Variants in SPACA6 observed in about 807,000 individuals in gnomAD.
The protein encoded by SPACA6 is sperm acrosome associated 6.
For synonymous variants in SPACA6, 6 were observed against 1.5 expected, an observed-to-expected ratio of 4.05 and a Z score of -2.21; for missense variants, 8 against 2.8, an observed-to-expected ratio of 2.88 and a Z score of -1.34.
At chr19:51,710,641 G>A (rs762376805) in intron 2 of SPACA6, among the ~76,000 whole-genome samples, 12 of 152,268 alleles carry the variant, frequency 7.9e-5, no homozygotes, top group Non-Finnish European at 1.0e-4. Context: ...TGGGAGTCCC[G>A]TCTCCATACA....
intron 2 of SPACA6, among the ~76,000 whole-genome samples, chr19:51,696,734 CTACCGTACCTGGCTGG>C (rs1465939622): frequency 6.6e-6 from 1 of 152,174 alleles, no homozygotes; most frequent in African/African-American, 2.4e-5. Context: ...CAGGCATGAA[CTACCGTACCTGGCTGG>C]GTGATAATTT....
the SPACA6 span, among the ~76,000 whole-genome samples, chr19:51,683,887 A>G: frequency 1.1e-3 from 172 of 152,342 alleles, no homozygotes; most frequent in African/African-American, 3.8e-3. Context: ...GGGCTTCAGA[A>G]TCTGTGCTCT....
intron 2 of SPACA6, among the ~76,000 whole-genome samples, chr19:51,700,391 T>C (rs1470718990): frequency 6.6e-6 from 1 of 152,218 alleles, no homozygotes; most frequent in African/African-American, 2.4e-5. Context: ...GCTACCCATC[T>C]CCAGCTAATT....
intron 2 of SPACA6, among the ~76,000 whole-genome samples, chr19:51,711,493 A>T (rs1011506642): frequency 6.6e-6 from 1 of 152,256 alleles, no homozygotes; most frequent in African/African-American, 2.4e-5. Flanking sequence ...TTCCTCAAAA[A>T]AATTAAACAT....
At chr19:51,706,981 G>C (rs1256739677), downstream of SPACA6, among the ~76,000 whole-genome samples, 2 of 151,974 alleles carry the variant, frequency 1.3e-5, no homozygotes, top group African/African-American at 4.8e-5. Context: ...TTTTTAATTT[G>C]GTTTTGCCTT....
At position 51,704,414 on chromosome 19, in the gene SPACA6, C is replaced by G. The variant is rs950026446; in HGVS notation, c.875C>G (p.Pro292Arg). The change falls in exon 8 of 9, where the codon CCC becomes CGC. Residue 292 changes from proline (P) to arginine (R), a missense_variant. By Grantham distance (103) the Pro-to-Arg change is moderately radical (BLOSUM62 -2). Coordinates refer to ENST00000637797, the MANE Select transcript of SPACA6 (RefSeq NM_001316972.2). ...CTGGCCAGGCCCGAGGCTCTGACGC[C>G]CAGCAATCTGTTCCTGCTTGCAGTC... ...ELLARPEALT[P>R]SNLFLLAVLG... 1 of 401,092 alleles carries G rather than the reference C, an allele frequency of 2.5e-6. No homozygotes were observed. The highest frequency in any genetic ancestry group is 4.4e-6 in the Non-Finnish European group (1 of 226,268). The allele number at this position is 401,092 out of a possible 1,614,324, so 24.8% of individuals were successfully genotyped here.
At chr19:51,684,692 A>G (rs951733556), upstream of SPACA6, among the ~76,000 whole-genome samples, 8 of 152,198 alleles carry the variant, frequency 5.3e-5, no homozygotes, top group Non-Finnish European at 5.9e-5. Flanking sequence ...CATTAACACT[A>G]ATGATAGCTG....
chr19:51,704,287 C>G lies in SPACA6; in HGVS notation c.748C>G (p.Arg250Gly), dbSNP rs2083495940. The G allele has an allele frequency of 2.5e-6, 1 of 400,686 alleles. No individual in the cohort carries two copies. Among genetic ancestry groups the G allele is most frequent in the Non-Finnish European group, 4.4e-6 (1 of 225,972 alleles). 24.8% of individuals were successfully genotyped at this position (400,686 alleles called of 1,614,324 possible). A position where few individuals can be genotyped will look rare whatever the true frequency, so the allele number is the denominator to read the frequency against. ...FFLNVTGPPPRAETELQASFR... is the reference protein window; with the variant it reads ...FFLNVTGPPPGAETELQASFR... ...CCCCGCAGTGACGGGCCCGCCCCCG[C>G]GGGCGGAGACAGAGTTGCAGGCCTC... Residue 250 changes from arginine (R) to glycine (G), a missense_variant, in exon 8 of 9, where the codon CGG becomes GGG. Arg to Gly is a moderately radical substitution (Grantham distance 125). Transcript: ENST00000637797.
In SPACA6 at chr19:51,693,432, A is replaced by C; in HGVS notation, c.-95A>C. Reference sequence around the variant, plus strand: ...GCATGACATTTGACCACCAACTGAAACCTGACCTCTGACCCCAGACCACTG... The same window carrying C: ...GCATGACATTTGACCACCAACTGAACCCTGACCTCTGACCCCAGACCACTG... On this transcript the variant is annotated 5_prime_UTR_variant, in exon 1 of 9. Coordinates refer to ENST00000637797, the MANE Select transcript of SPACA6 (RefSeq NM_001316972.2). 1.7e-6 allele frequency: 1 copy of C among 605,848 alleles called. No individual in the cohort carries two copies. Among genetic ancestry groups the C allele is most frequent in the Non-Finnish European group, 3.2e-6 (1 of 313,412 alleles). The allele number at this position is 605,848 out of a possible 1,614,324, so 37.5% of individuals were successfully genotyped here.
chr19:51,706,847 CAG>C (rs1308683737), downstream of SPACA6, among the ~76,000 whole-genome samples: 1 of 152,140 alleles, frequency 6.6e-6, no homozygotes, highest in East Asian at 1.9e-4. Context: ...TTGGAAGAGA[CAG>C]GGTTTCGCCA....
intron 8 of SPACA6, 83 bp downstream of exon 8, chr19:51,704,563 C>T: frequency 2.5e-6 from 1 of 400,544 alleles, no homozygotes; most frequent in Admixed American, 4.4e-5. Flanking sequence ...TCCCAGCAAC[C>T]TCCAACCCAG....
At chr19:51,682,800 G>A in the SPACA6 span, among the ~76,000 whole-genome samples, 96 of 152,290 alleles carry the variant, frequency 6.3e-4, 1 homozygote, top group African/African-American at 2.0e-3. Flanking sequence ...CCAGTACTTT[G>A]GGAGACTGAG....
chr19:51,709,548 A>AG (rs2083532198), downstream of SPACA6, among the ~76,000 whole-genome samples: 1 of 149,706 alleles, frequency 6.7e-6, no homozygotes. Flanking sequence ...AAAAAAAAAA[A>AG]AAGATGACAT....
At position 51,703,037 on chromosome 19, in the gene SPACA6, C is replaced by T. The variant is rs905477126; in HGVS notation, c.402C>T (p.Ala134=). Residue 134 remains alanine, a synonymous_variant, in exon 5 of 9, where the codon GCC becomes GCT. Coordinates refer to ENST00000637797, the MANE Select transcript of SPACA6 (RefSeq NM_001316972.2). The surrounding 1 kb of genome is among the most constrained non-coding windows in gnomAD (Gnocchi z 4.2). The part of the protein sequence containing the change: ...CIPPCGLQEF[A]RRFLCSGCYS... ...GCTCCACAGGTCTCCAGGAGTTCGC[C>T]CGGCGTTTCCTCTGCAGCGGGTGCT... The T allele has an allele frequency of 3.8e-5, 15 of 399,122 alleles. No homozygotes were observed. The highest frequency in any genetic ancestry group is 2.9e-4 in the African/African-American group (14 of 48,640). The allele number at this position is 399,122 out of a possible 1,614,324, so 24.7% of individuals were successfully genotyped here.
At chr19:51,687,765 C>G (rs1363501969), upstream of SPACA6, 1 of 152,340 alleles carries the variant, frequency 6.6e-6, no homozygotes, top group African/African-American at 2.4e-5. Context: ...CATCTCTCTC[C>G]TCTACCCTCT....
chr19:51,709,614 CAAAAAAAAA>C (rs56844884), downstream of SPACA6, among the ~76,000 whole-genome samples: 3 of 93,180 alleles, frequency 3.2e-5, no homozygotes, highest in Admixed American at 3.8e-4. Context: ...GACTCTGTCA[CAAAAAAAAA>C]AAAAAAAAGA....
chr19:51,690,061 A>T (rs369085189), upstream of SPACA6, among the ~76,000 whole-genome samples: 2 of 140,614 alleles, frequency 1.4e-5, no homozygotes, highest in African/African-American at 5.4e-5. Context: ...GCTGCCAGAC[A>T]GGCCAGGGTC....
chr19:51,690,906 T>TGGGGG (rs894845494), upstream of SPACA6, among the ~76,000 whole-genome samples: 2 of 128,982 alleles, frequency 1.6e-5, no homozygotes, highest in Non-Finnish European at 3.4e-5. Flanking sequence ...CAGGTTGGTG[T>TGGGGG]GGGGGGGTGG....
chr19:51,684,100 G>A, the SPACA6 span, among the ~76,000 whole-genome samples: 1 of 152,170 alleles, frequency 6.6e-6, no homozygotes, highest in African/African-American at 2.4e-5. Flanking sequence ...CCTATTTTGT[G>A]TCATATACCC....
Sources: allele counts gnomAD v4.1 joint callset (sites outside exome capture counted in the v4.1 genomes callset), GRCh38; gene constraint gnomAD v4.1.1; non-coding constraint Gnocchi (gnomAD v3.1); transcripts MANE v1.5; gene names NCBI Gene and HGNC (gene_info 2026-07-23, HGNC 2026-07-21).